Variants in CFAP58 observed in about 807,000 individuals in gnomAD.
CFAP58 encodes cilia- and flagella-associated protein 58.
In CFAP58, 88 loss-of-function variants were observed where a neutral mutation model predicts 119.5. The observed-to-expected ratio is 0.74, with a 90% confidence interval of 0.62 to 0.88. CFAP58 has a LOEUF of 0.88. Among genes scored for constraint, CFAP58 ranks in the 40% least tolerant of loss-of-function variants. The probability of loss-of-function intolerance (pLI) is 0.00; values close to 1 mark genes in which losing one functional copy is unlikely to be tolerated. For synonymous variants in CFAP58, 365 were observed against 366.3 expected (o/e 1.00, Z 0.04); for missense variants, 990 against 1,021.2 (o/e 0.97, Z 0.42).
At position 104,439,251 on chromosome 10, in the gene CFAP58, A is replaced by G. The variant is rs529590850; in HGVS notation, c.2257-8447A>G. ...GGTGATGGGTTTACCCTGAGCATTT[A>G]TTATCATGCTTTATAGCTATATATG... On this transcript the variant is annotated intron_variant, in intron 15 of 17. Transcript: ENST00000369704. 3.9e-5 allele frequency among the ~76,000 whole-genome samples: 6 copies of G among 152,296 alleles called. No individual in the cohort carries two copies. The South Asian group carries it at 1.2e-3, about 32-fold the overall frequency.
the CFAP58 span, among the ~76,000 whole-genome samples, chr10:104,345,272 C>T: frequency 1.3e-5 from 2 of 151,872 alleles, no homozygotes; most frequent in East Asian, 3.9e-4. Flanking sequence ...TGTGTCCCAC[C>T]TTGTGGGTAA....
chr10:104,358,064 T>TACACATATGTACATATATATAC (rs2014614480), intron 1 of CFAP58, among the ~76,000 whole-genome samples: 1 of 144,696 alleles, frequency 6.9e-6, no homozygotes, highest in Non-Finnish European at 1.5e-5. Context: ...TGTACATATA[T>TACACATATGTACATATATATAC]ACACATATGT....
At chr10:104,357,966 TAC>T (rs1404656910) in intron 1 of CFAP58, among the ~76,000 whole-genome samples, 17 of 103,188 alleles carry the variant, frequency 1.6e-4, no homozygotes, top group East Asian at 1.1e-3. Context: ...CACATATATG[TAC>T]ACATATGTAC....
Position 104,370,945 on chromosome 10 carries a change from C to A in CFAP58, c.981C>A (p.Asn327Lys). The A allele has an allele frequency of 6.2e-7, 1 of 1,613,632 alleles. No homozygotes were observed. Among genetic ancestry groups the A allele is most frequent in the Non-Finnish European group, 8.5e-7 (1 of 1,179,888 alleles). Residue 327 changes from asparagine (N) to lysine (K), a missense_variant, in exon 7 of 18, where the codon AAC becomes AAA. By Grantham distance (94) the Asn-to-Lys change is moderately conservative. Transcript: ENST00000369704. ...TGCGCCTTGACATCGGGAAGCTCAA[C>A]AAAATCAGAGAACAAATTCATAAGA... ...HQMRLDIGKLNKIREQIHKKL... is the reference protein window; with the variant it reads ...HQMRLDIGKLKKIREQIHKKL...
At chr10:104,414,528 T>C (rs1301348122) in intron 15 of CFAP58, among the ~76,000 whole-genome samples, 1 of 149,286 alleles carries the variant, frequency 6.7e-6, no homozygotes, top group East Asian at 2.0e-4. Flanking sequence ...TGAGCAAGGC[T>C]GTGTTCTTCT....
Position 104,392,345 on chromosome 10 carries a change from C to G in CFAP58, c.1478C>G (p.Ala493Gly), listed in dbSNP as rs763390064. The change falls in exon 10 of 18, where the codon GCT becomes GGT. Residue 493 changes from alanine to glycine, a missense_variant. Physicochemically the swap from Ala to Gly is moderately conservative, Grantham distance 60. Coordinates refer to ENST00000369704, the MANE Select transcript of CFAP58 (RefSeq NM_001008723.2). The stretch of plus-strand genomic sequence containing the variant: ...AAACAGCAACAGAACCTATATGAAG[C>G]TGTGAGATCAGACAGAAATCTGTAT... ...KLKQQQNLYE[A>G]VRSDRNLYSK... 1 of 1,610,522 alleles carries G rather than the reference C, an allele frequency of 6.2e-7. No individual in the cohort carries two copies. The highest frequency in any genetic ancestry group is 8.5e-7 in the Non-Finnish European group (1 of 1,178,728).
Position 104,454,664 on chromosome 10 carries a change from A to G in CFAP58, c.*134A>G. 1.5e-6 allele frequency: 1 copy of G among 664,664 alleles called. No individual in the cohort carries two copies. The highest frequency in any genetic ancestry group is 2.7e-6 in the Non-Finnish European group (1 of 371,080). The allele number at this position is 664,664 out of a possible 1,614,324, so 41.2% of individuals were successfully genotyped here. A position where few individuals can be genotyped will look rare whatever the true frequency, so the allele number is the denominator to read the frequency against. ...GGATGGAAAGAAATGCAGAACTATCATAGTCACATACATATAAGAGGGATG... is the reference window on the plus strand; with the variant it reads ...GGATGGAAAGAAATGCAGAACTATCGTAGTCACATACATATAAGAGGGATG... On this transcript the variant is annotated 3_prime_UTR_variant, in exon 18 of 18. Transcript: ENST00000369704.
At chr10:104,449,367 C>T (rs1205830928) in intron 16 of CFAP58, among the ~76,000 whole-genome samples, 1 of 152,042 alleles carries the variant, frequency 6.6e-6, no homozygotes, top group Non-Finnish European at 1.5e-5. Context: ...AGAACAATAC[C>T]CTTCCTTTTC....
intron 17 of CFAP58, among the ~76,000 whole-genome samples, chr10:104,452,334 C>G (rs1370860578): frequency 6.6e-6 from 1 of 151,754 alleles, no homozygotes. Context: ...TTCTTTCTAC[C>G]CACAATGGAT....
intron 9 of CFAP58, chr10:104,382,086 AG>A: frequency 1.4e-6 from 1 of 717,396 alleles, no homozygotes; most frequent in Middle Eastern, 2.3e-4. Context: ...TGGCCTTTGC[AG>A]GTCAGCTGCA....
chr10:104,408,125 A>G (rs1482200076), intron 15 of CFAP58, among the ~76,000 whole-genome samples: 1 of 152,238 alleles, frequency 6.6e-6, no homozygotes, highest in Non-Finnish European at 1.5e-5. Flanking sequence ...AAAGTTGGGT[A>G]TACAGTAAAT....
chr10:104,453,623 C>CAATTGACCAA (rs2013228047), intron 17 of CFAP58, among the ~76,000 whole-genome samples: 1 of 152,094 alleles, frequency 6.6e-6, no homozygotes, highest in East Asian at 1.9e-4. Context: ...CATAATTGTC[C>CAATTGACCAA]AATCTAATTG....
chr10:104,419,870 A>G (rs77419322), intron 15 of CFAP58, among the ~76,000 whole-genome samples: 1,587 of 152,314 alleles, frequency 0.01, 15 homozygotes, highest in Middle Eastern at 0.065. Flanking sequence ...AATTTAGCAT[A>G]AGAAGAAGTT....
intron 15 of CFAP58, among the ~76,000 whole-genome samples, chr10:104,446,398 A>G (rs1295000785): frequency 6.6e-6 from 1 of 152,236 alleles, no homozygotes; most frequent in East Asian, 1.9e-4. Flanking sequence ...CTCTTCTATA[A>G]ATAGAGCTAT....
chr10:104,357,832 T>C (rs567208738), intron 1 of CFAP58, among the ~76,000 whole-genome samples: 59 of 122,828 alleles, frequency 4.8e-4, no homozygotes, highest in African/African-American at 1.5e-3. Flanking sequence ...TATACACATA[T>C]ATGTACACAT....
rs1486723906 is a variant in CFAP58 at position 104,403,845 on chromosome 10, C to T, written c.2151+5C>T. On this transcript the variant is annotated splice_donor_5th_base_variant and intron_variant, in intron 14 of 17. Transcript: ENST00000369704. ...CACAGATGGAGGAAGCTCGAGGTAACATCTGGCAGCGTGTTCTCCCCATCC... is the reference window on the plus strand; with the variant it reads ...CACAGATGGAGGAAGCTCGAGGTAATATCTGGCAGCGTGTTCTCCCCATCC... The T allele has an allele frequency of 1.9e-6, 3 of 1,581,480 alleles. No homozygotes were observed. Among genetic ancestry groups the T allele is most frequent in the Non-Finnish European group, 2.6e-6 (3 of 1,154,686 alleles).
In CFAP58 at chr10:104,438,920, T is replaced by A. The variant is rs189587696; in HGVS notation, c.2257-8778T>A. Among the ~76,000 whole-genome samples the A allele has an allele frequency of 9.7e-3, 1,471 of 152,168 alleles. 24 individuals carry two copies. Among genetic ancestry groups the A allele is most frequent in the Admixed American group, 0.038 (584 of 15,294 alleles). ...AATTCTTACCCAGTGGAATATCAAA[T>A]CAACTACATGAACAGAAACACACAA... On this transcript the variant is annotated intron_variant, in intron 15 of 17. Transcript: ENST00000369704.
intron 15 of CFAP58, among the ~76,000 whole-genome samples, chr10:104,433,768 T>G (rs976899476): frequency 3.9e-5 from 6 of 152,242 alleles, no homozygotes; most frequent in African/African-American, 1.4e-4. Context: ...AATTTTAATT[T>G]AGCATACTCT....
At chr10:104,437,096 T>A (rs2012947521) in intron 15 of CFAP58, among the ~76,000 whole-genome samples, 1 of 152,238 alleles carries the variant, frequency 6.6e-6, no homozygotes, top group Non-Finnish European at 1.5e-5. Context: ...TCTAGTTGTT[T>A]TATTTGGGCA....
Sources: allele counts gnomAD v4.1 joint callset (sites outside exome capture counted in the v4.1 genomes callset), GRCh38; gene constraint gnomAD v4.1.1; transcripts MANE v1.5; gene names NCBI Gene and HGNC (gene_info 2026-07-23, HGNC 2026-07-21).